The following ADAP1 variants were observed in gnomAD, a reference collection of about 807,000 sequenced individuals.
ADAP1 encodes arf-GAP with dual PH domain-containing protein 1.
In ADAP1, 31 loss-of-function variants were observed where a neutral mutation model predicts 54.9. The observed-to-expected ratio is 0.56, with a 90% CI of 0.42 to 0.76. The LOEUF is 0.76. ADAP1 is among the 30% of genes least tolerant of loss of function. The pLI, the probability that ADAP1 is intolerant of heterozygous loss-of-function variation, is 0.00. For synonymous variants in ADAP1, 313 were observed against 202.6 expected (o/e 1.55, Z -4.63); for missense variants, 535 against 512.4 (o/e 1.04, Z -0.42).
At chr7:952,367 G>A (rs560748073) in intron 1 of ADAP1, among the ~76,000 whole-genome samples, 31 of 152,276 alleles carry the variant, frequency 2.0e-4, no homozygotes, top group Admixed American at 1.6e-3. Context: ...TGCACCAGCC[G>A]TGAGCCAGTG....
At position 898,738 on chromosome 7, in the gene ADAP1, C is replaced by T. The variant is rs1308577021; in HGVS notation, c.*183G>A. Reference sequence around the variant, plus strand: ...GAGATCAGGCCCAGGGCCTGGGCTGCCTGCCTTGAGGTTCCAGAGAAGCAT... The same window carrying T: ...GAGATCAGGCCCAGGGCCTGGGCTGTCTGCCTTGAGGTTCCAGAGAAGCAT... On this transcript the variant is annotated 3_prime_UTR_variant, in exon 11 of 11. Transcript: ENST00000265846. 3.1e-5 allele frequency: 23 copies of T among 747,226 alleles called. No individual in the cohort carries two copies. Among genetic ancestry groups the T allele is most frequent in the Non-Finnish European group, 4.8e-5 (22 of 455,964 alleles). 46.3% of individuals were successfully genotyped at this position (747,226 alleles called of 1,614,324 possible).
At chr7:901,155 G>A (rs371882330) in intron 6 of ADAP1, 21 of 400,394 alleles carry the variant, frequency 5.2e-5, no homozygotes, top group Middle Eastern at 8.8e-4. Context: ...TCTGGAGAGC[G>A]TGGGGTGGGC....
chr7:899,951 G>T, intron 8 of ADAP1, 151 bp downstream of exon 8: 1 of 963,840 alleles, frequency 1.0e-6, no homozygotes, highest in Non-Finnish European at 1.6e-6. Context: ...AGTCCTCGGG[G>T]ACCCCGGCCA....
chr7:905,585 A>AGAAGGGAGAAGGGAGAAG (rs1845176267), intron 4 of ADAP1: 1 of 120,650 alleles, frequency 8.3e-6, no homozygotes, highest in Admixed American at 9.5e-5. Flanking sequence ...GAAAGGAGAA[A>AGAAGGGAGAAGGGAGAAG]GGAGAAAGGA....
chr7:905,253 G>C, intron 4 of ADAP1, 81 bp from the exon 5 acceptor site: 1 of 966,820 alleles, frequency 1.0e-6, no homozygotes, highest in East Asian at 3.0e-5. Flanking sequence ...CAGGACAGAG[G>C]GGACATGGGG....
intron 2 of ADAP1, among the ~76,000 whole-genome samples, chr7:930,716 G>A (rs1477462550): frequency 2.6e-5 from 4 of 152,066 alleles, no homozygotes; most frequent in Non-Finnish European, 2.9e-5. Context: ...CTACTCGGGA[G>A]GCTGAAGCAG....
At chr7:925,243 CGGGA>C (rs936196485) in intron 3 of ADAP1, among the ~76,000 whole-genome samples, 5 of 151,936 alleles carry the variant, frequency 3.3e-5, no homozygotes, top group Non-Finnish European at 7.4e-5. Flanking sequence ...CCGAAGACCC[CGGGA>C]GGGCCGGTTC....
intron 4 of ADAP1, among the ~76,000 whole-genome samples, chr7:906,908 G>T (rs141793888): frequency 6.6e-6 from 1 of 151,850 alleles, no homozygotes; most frequent in South Asian, 2.1e-4. Context: ...GCCTGAGGAC[G>T]GCCTGGATGA....
At chr7:933,521 G>GCCGGGGTCAGTGGTGGTGCAGA (rs1846652956) in intron 2 of ADAP1, among the ~76,000 whole-genome samples, 1 of 97,432 alleles carries the variant, frequency 1.0e-5, no homozygotes, top group Non-Finnish European at 2.0e-5. Context: ...GAGAGCCGGG[G>GCCGGGGTCAGTGGTGGTGCAGA]GCCGGGGGCC....
At chr7:908,057 T>G (rs1302049884) in intron 4 of ADAP1, among the ~76,000 whole-genome samples, 1 of 152,114 alleles carries the variant, frequency 6.6e-6, no homozygotes, top group South Asian at 2.1e-4. Context: ...AGCACTTGCT[T>G]GGGGACAGCA....
chr7:900,899 G>GGGCCA (rs1266706391), intron 6 of ADAP1: 15 of 581,134 alleles, frequency 2.6e-5, no homozygotes, highest in Non-Finnish European at 4.7e-5. Context: ...GGGCCGGGCC[G>GGGCCA]GGCTGGACAG....
chr7:916,966 G>A lies in ADAP1; in HGVS notation c.388+3002C>T, dbSNP rs573046462. 7.3e-4 allele frequency among the ~76,000 whole-genome samples: 98 copies of A among 133,424 alleles called. 1 individual carries two copies. The highest frequency in any genetic ancestry group is 7.0e-4 in the Non-Finnish European group (43 of 61,362). The allele number at this position is 133,424 out of a possible 152,430, so 87.5% of individuals were successfully genotyped here. The stretch of plus-strand genomic sequence containing the variant: ...AGGGGGGCGCAGTGCCAGCTCTACC[G>A]GGGAGGTGCACAGGAGGGGTGCGCA... On this transcript the variant is annotated intron_variant, in intron 4 of 10. Transcript: ENST00000265846.
At chr7:905,390 G>GGAGAAAGGGAGAAA (rs1845108347) in intron 4 of ADAP1, 3 of 264,162 alleles carry the variant, frequency 1.1e-5, no homozygotes, top group Non-Finnish European at 1.9e-5. Flanking sequence ...AAAGGAGAAA[G>GGAGAAAGGGAGAAA]GAGAAAGGAG....
chr7:955,260 G>C, upstream of ADAP1: 1 of 1,542,156 alleles, frequency 6.5e-7, no homozygotes. Context: ...CATGGGGGCT[G>C]ACAGGTAACA....
chr7:906,748 G>GGGGACATGGACAGGGGACATCGGGGAT (rs1554272458), intron 4 of ADAP1, among the ~76,000 whole-genome samples: 971 of 20,744 alleles, frequency 0.047, 73 homozygotes, highest in African/African-American at 0.15. Flanking sequence ...AGAGTACATA[G>GGGGACATGGACAGGGGACATCGGGGAT]GGGACATGGA....
At chr7:950,584 C>T (rs894383512) in intron 1 of ADAP1, among the ~76,000 whole-genome samples, 3 of 151,678 alleles carry the variant, frequency 2.0e-5, no homozygotes, top group African/African-American at 4.8e-5. Context: ...AGGCCAGGCA[C>T]GGTGGCTCAT....
intron 2 of ADAP1, among the ~76,000 whole-genome samples, chr7:930,007 G>A (rs565767232): frequency 1.3e-5 from 2 of 150,950 alleles, no homozygotes; most frequent in South Asian, 2.1e-4. Flanking sequence ...AGGAGGCTGA[G>A]GTGAGAGGAT....
Position 945,664 on chromosome 7 carries a change from GGCTGCCAGCACCGTCTCCAGGA to G in ADAP1, c.82+8710_82+8731del. ...AGACTCCAGCCCCCACAAACATCCAGGCTGCCAGCACCGTCTCCAGGAGCTGCCTCCTCCTCGGAGACTGCCC... is the reference window on the plus strand; with the variant it reads ...AGACTCCAGCCCCCACAAACATCCAGGCTGCCTCCTCCTCGGAGACTGCCC... On this transcript the variant is annotated intron_variant, in intron 1 of 10. Coordinates refer to ENST00000265846, the MANE Select transcript of ADAP1 (RefSeq NM_006869.4). This position sits in a 1 kb window ranked among gnomAD's most constrained non-coding sequence, Gnocchi z 4.2. 1 of 900,796 alleles carries G rather than the reference GGCTGCCAGCACCGTCTCCAGGA, an allele frequency of 1.1e-6. No individual in the cohort carries two copies. Among genetic ancestry groups the G allele is most frequent in the East Asian group, 1.2e-4 (1 of 8,404 alleles). 55.8% of individuals were successfully genotyped at this position (900,796 alleles called of 1,614,324 possible).
At position 936,354 on chromosome 7, in the gene ADAP1, G is replaced by A. The variant is rs150279102; in HGVS notation, c.83-849C>T. On this transcript the variant is annotated intron_variant, in intron 1 of 10. Transcript: ENST00000265846. ...TAGCGAGGCACGCACCACCATGCCC[G>A]GCTAACTTTTGTATTTTTAGTGGAG... 3.3e-5 allele frequency among the ~76,000 whole-genome samples: 5 copies of A among 152,234 alleles called. No homozygotes were observed. In the East Asian group the frequency reaches 7.7e-4, roughly 24 times the overall value.
Sources: allele counts gnomAD v4.1 joint callset (sites outside exome capture counted in the v4.1 genomes callset), GRCh38; gene constraint gnomAD v4.1.1; non-coding constraint Gnocchi (gnomAD v3.1); transcripts MANE v1.5; gene names NCBI Gene and HGNC (gene_info 2026-07-23, HGNC 2026-07-21).